SRBD1: variants seen among roughly 807,000 people sequenced by gnomAD.
SRBD1 encodes S1 RNA-binding domain-containing protein 1.
A neutral mutation model predicts 115.3 loss-of-function variants in SRBD1; 88 were observed. The ratio of observed to expected loss-of-function variants is 0.76; its 90% CI spans 0.64 to 0.91. The LOEUF is 0.91. Ranked by LOEUF, SRBD1 falls within the 40% of genes least tolerant of loss-of-function variation. SRBD1 has a pLI of 0.00. For synonymous variants in SRBD1, 509 were observed against 407.7 expected, an observed-to-expected ratio of 1.25 and a Z score of -2.99; for missense variants, 1,385 against 1,177.4, an observed-to-expected ratio of 1.18 and a Z score of -2.58.
chr2:45,493,161 TA>T (rs1558431954), intron 14 of SRBD1, among the ~76,000 whole-genome samples: 1 of 152,220 alleles, frequency 6.6e-6, no homozygotes, highest in African/African-American at 2.4e-5. Flanking sequence ...ATAATTTATC[TA>T]AAAAACATTC....
At chr2:45,585,187 T>C (rs1471421271) in intron 5 of SRBD1, among the ~76,000 whole-genome samples, 1 of 151,948 alleles carries the variant, frequency 6.6e-6, no homozygotes, top group East Asian at 1.9e-4. Flanking sequence ...AATATACATA[T>C]TTCCTACCAA....
intron 4 of SRBD1, among the ~76,000 whole-genome samples, chr2:45,590,665 C>G (rs539012629): frequency 6.6e-6 from 1 of 152,160 alleles, no homozygotes; most frequent in Non-Finnish European, 1.5e-5. Flanking sequence ...CTTCCCCTTC[C>G]GCCATGATTG....
At chr2:45,539,358 C>T (rs899333368) in intron 14 of SRBD1, among the ~76,000 whole-genome samples, 1 of 152,034 alleles carries the variant, frequency 6.6e-6, no homozygotes, top group African/African-American at 2.4e-5. Context: ...CAGAGCTTCA[C>T]AGAACCAGAA....
chr2:45,461,684 G>C (rs951458014), intron 16 of SRBD1, among the ~76,000 whole-genome samples: 6 of 151,942 alleles, frequency 3.9e-5, no homozygotes, highest in African/African-American at 1.2e-4. Context: ...AAATCTCAGA[G>C]ATTCTCTTAC....
intron 14 of SRBD1, among the ~76,000 whole-genome samples, chr2:45,529,197 C>G (rs903950605): frequency 1.3e-5 from 2 of 151,824 alleles, no homozygotes; most frequent in African/African-American, 4.8e-5. Context: ...TGTGCATGCA[C>G]TAGATTTTGG....
chr2:45,592,122 T>A lies in SRBD1; in HGVS notation c.649-6348A>T, dbSNP rs143534697. Among the ~76,000 whole-genome samples, 4 of 152,280 alleles carry A rather than the reference T, an allele frequency of 2.6e-5. 1 individual carries two copies. The highest frequency in any genetic ancestry group is 9.6e-5 in the African/African-American group (4 of 41,550). On this transcript the variant is annotated intron_variant, in intron 4 of 20. Transcript: ENST00000263736. The stretch of plus-strand genomic sequence containing the variant: ...CTTTTGCTTCTTCCTCATTTTCTCT[T>A]GCTGCTGCCATGTAAGAAGTGCCTT...
intron 8 of SRBD1, among the ~76,000 whole-genome samples, chr2:45,574,338 T>C (rs918233263): frequency 6.6e-6 from 1 of 152,178 alleles, no homozygotes; most frequent in Admixed American, 6.5e-5. Context: ...TTCGTATATA[T>C]TGTGTAAGGC....
chr2:45,409,117 G>T (rs1472768754), intron 19 of SRBD1, among the ~76,000 whole-genome samples: 3 of 152,098 alleles, frequency 2.0e-5, no homozygotes, highest in African/African-American at 7.2e-5. Flanking sequence ...CCAGCTACTT[G>T]GGGCTGAGGT....
In SRBD1 at chr2:45,389,472, T is replaced by A. The variant is rs777339988; in HGVS notation, c.2826A>T (p.Lys942Asn). 2 of 1,614,076 alleles carry A rather than the reference T, an allele frequency of 1.2e-6. No individual in the cohort carries two copies. Among genetic ancestry groups the A allele is most frequent in the Non-Finnish European group, 8.5e-7 (1 of 1,179,954 alleles). ...FGIFVDIGVG[K>N]SGLIPIRNVT... is the part of the protein sequence containing the mutation. ...CATTTCGTATGGGAATCAGCCCAGA[T>A]TTCCCCACTCCTATATCCACAAAAA... is the stretch of plus-strand genomic sequence containing the variant. The change falls in exon 21 of 21, where the codon AAA (lysine) becomes AAT (asparagine). Residue 942 changes from lysine to asparagine, a missense_variant. Coordinates refer to ENST00000263736, the MANE Select transcript of SRBD1 (RefSeq NM_018079.5).
chr2:45,591,750 G>A (rs1673732491), intron 4 of SRBD1, among the ~76,000 whole-genome samples: 1 of 152,192 alleles, frequency 6.6e-6, no homozygotes, highest in Admixed American at 6.5e-5. Flanking sequence ...TTATCACATT[G>A]CCTCTCTAAA....
At position 45,570,081 on chromosome 2, in the gene SRBD1, T is replaced by A. The variant is rs114022101; in HGVS notation, c.1305+3126A>T. ...CACAACCATGCTCATTCATTATGCA[T>A]TGTCTATGACTGATTTTGTGTTACA... is the stretch of plus-strand genomic sequence containing the variant. On this transcript the variant is annotated intron_variant, in intron 9 of 20. Coordinates refer to ENST00000263736, the MANE Select transcript of SRBD1 (RefSeq NM_018079.5). Among the ~76,000 whole-genome samples, 442 of 152,362 alleles carry A rather than the reference T, an allele frequency of 2.9e-3. 1 individual carries two copies. The highest frequency in any genetic ancestry group is 2.9e-3 in the Non-Finnish European group (197 of 68,038).
intron 14 of SRBD1, among the ~76,000 whole-genome samples, chr2:45,494,267 TGTTTAA>T (rs1470181283): frequency 6.6e-6 from 1 of 152,194 alleles, no homozygotes. Context: ...ATTGTATTCT[TGTTTAA>T]GTTTTTCTGC....
chr2:45,434,675 G>C (rs1266819705), intron 16 of SRBD1, among the ~76,000 whole-genome samples: 2 of 152,032 alleles, frequency 1.3e-5, no homozygotes, highest in Non-Finnish European at 2.9e-5. Context: ...GTCTCCAGTT[G>C]ACTTAAACTT....
At chr2:45,509,674 T>C (rs1291017210) in intron 14 of SRBD1, among the ~76,000 whole-genome samples, 1 of 151,188 alleles carries the variant, frequency 6.6e-6, no homozygotes, top group African/African-American at 2.4e-5. Flanking sequence ...GGTCATATTT[T>C]CCCTTTCTTC....
chr2:45,478,015 A>C (rs759470809), intron 15 of SRBD1, among the ~76,000 whole-genome samples: 2 of 148,762 alleles, frequency 1.3e-5, no homozygotes, highest in Non-Finnish European at 3.0e-5. Flanking sequence ...AATTTCGTTT[A>C]TAAGATAGAT....
chr2:45,389,229 A>C lies in SRBD1; in HGVS notation c.*81T>G, dbSNP rs1666929422. On this transcript the variant is annotated 3_prime_UTR_variant, in exon 21 of 21. Transcript: ENST00000263736. ...GTGAATTATTTCTCATCTGCTACCT[A>C]GAGTTTACAAACAACTGACTTATCC... 13 of 1,470,414 alleles carry C rather than the reference A, an allele frequency of 8.8e-6. No homozygotes were observed. Among genetic ancestry groups the C allele is most frequent in the Non-Finnish European group, 1.1e-5 (12 of 1,085,212 alleles). The allele number at this position is 1,470,414 out of a possible 1,614,324, so 91.1% of individuals were successfully genotyped here.
intron 19 of SRBD1, among the ~76,000 whole-genome samples, chr2:45,411,562 T>C (rs1444034949): frequency 6.6e-6 from 1 of 152,172 alleles, no homozygotes; most frequent in East Asian, 1.9e-4. Flanking sequence ...GGGCAGTAAC[T>C]GATCGGAAGA....
At chr2:45,591,024 A>C (rs1378248951) in intron 4 of SRBD1, among the ~76,000 whole-genome samples, 2 of 152,030 alleles carry the variant, frequency 1.3e-5, no homozygotes, top group African/African-American at 2.4e-5. Flanking sequence ...AAAAAAAAAA[A>C]AAACCCTCTT....
intron 14 of SRBD1, among the ~76,000 whole-genome samples, chr2:45,544,784 G>A (rs779594792): frequency 1.8e-4 from 27 of 151,940 alleles, no homozygotes; most frequent in Non-Finnish European, 3.1e-4. Flanking sequence ...ATAAAAGTAC[G>A]TATATAAACA....
Sources: allele counts gnomAD v4.1 joint callset (sites outside exome capture counted in the v4.1 genomes callset), GRCh38; gene constraint gnomAD v4.1.1; transcripts MANE v1.5; gene names NCBI Gene and HGNC (gene_info 2026-07-23, HGNC 2026-07-21).